Variants in MAD1L1 observed in about 807,000 individuals in gnomAD.
The protein encoded by MAD1L1 is mitotic spindle assembly checkpoint protein MAD1.
A neutral mutation model predicts 96.9 loss-of-function variants in MAD1L1; 95 were observed. That is an observed-to-expected ratio of 0.98 (90% CI 0.83 to 1.16). The LOEUF (loss-of-function observed/expected upper bound fraction) is 1.16, where lower values mean the gene tolerates loss of function less well. Ranked by LOEUF, MAD1L1 falls within the 50% of genes most tolerant of loss-of-function variation. The pLI, the probability that MAD1L1 is intolerant of heterozygous loss-of-function variation, is 0.00. For synonymous variants in MAD1L1, 473 were observed against 396.6 expected (o/e 1.19, Z -2.29); for missense variants, 1,007 against 954.4 (o/e 1.06, Z -0.73).
chr7:2,042,038 C>G (rs1011020838), intron 12 of MAD1L1, among the ~76,000 whole-genome samples: 3 of 151,952 alleles, frequency 2.0e-5, no homozygotes, highest in African/African-American at 7.3e-5. Context: ...CACACGCACA[C>G]GGACATGCAC....
At chr7:2,227,051 C>T (rs924483093) in intron 3 of MAD1L1, among the ~76,000 whole-genome samples, 5 of 148,104 alleles carry the variant, frequency 3.4e-5, no homozygotes, top group African/African-American at 1.3e-4. Context: ...CCCAGCAGTT[C>T]GGGGGGCCAA....
At chr7:2,161,626 C>A (rs1383711011) in intron 10 of MAD1L1, among the ~76,000 whole-genome samples, 4 of 151,762 alleles carry the variant, frequency 2.6e-5, no homozygotes. Context: ...TGAGGAGCGC[C>A]TCTTCCCGGC....
chr7:2,212,610 T>C (rs1036796460), intron 10 of MAD1L1, among the ~76,000 whole-genome samples: 1 of 152,186 alleles, frequency 6.6e-6, no homozygotes, highest in East Asian at 1.9e-4. Flanking sequence ...TTCCTGTTTT[T>C]GCATTGCGGC....
intron 17 of MAD1L1, among the ~76,000 whole-genome samples, chr7:1,934,930 T>C (rs1424208826): frequency 0.038 from 2,005 of 53,044 alleles, no homozygotes; most frequent in Admixed American, 0.047. Context: ...AACAGACGGG[T>C]GAACCCGAGA....
In MAD1L1 at chr7:2,018,662, A is replaced by G. The variant is rs182425594; in HGVS notation, c.1219-4020T>C. ...AGAGGCCCCTCCTTAGAGCCCCAGC[A>G]CCAACCCCCACTTTCCAGAGAAGCC... On this transcript the variant is annotated intron_variant, in intron 12 of 18. Coordinates refer to ENST00000265854, the MANE Select transcript of MAD1L1 (RefSeq NM_001013836.2). 1.7e-3 allele frequency among the ~76,000 whole-genome samples: 258 copies of G among 152,264 alleles called. 1 individual carries two copies. Among genetic ancestry groups the G allele is most frequent in the African/African-American group, 5.9e-3 (244 of 41,558 alleles).
intron 18 of MAD1L1, among the ~76,000 whole-genome samples, chr7:1,842,649 T>C (rs1195338044): frequency 6.6e-6 from 1 of 152,244 alleles, no homozygotes; most frequent in Non-Finnish European, 1.5e-5. Context: ...CCTTCGTCCT[T>C]CGTCCATCGC....
intron 13 of MAD1L1, among the ~76,000 whole-genome samples, chr7:2,008,251 G>A (rs182608730): frequency 6.6e-6 from 1 of 152,230 alleles, no homozygotes. Context: ...CAGGGCCTCA[G>A]ACAGCGCAAC....
intron 18 of MAD1L1, among the ~76,000 whole-genome samples, chr7:1,858,423 TCTGAGGCC>T (rs1784363009): frequency 6.6e-6 from 1 of 152,250 alleles, no homozygotes; most frequent in Non-Finnish European, 1.5e-5. Context: ...ATCCTTGGTT[TCTGAGGCC>T]TCCCTTCCAC....
At position 2,103,531 on chromosome 7, in the gene MAD1L1, G is replaced by A. The variant is rs1311993522; in HGVS notation, c.1074-34193C>T. ...GGGGCTCTCGACCACCGTGCTCTTTGTTGGGCGGGGCAACCGCAGATGGGC... is the reference window on the plus strand; with the variant it reads ...GGGGCTCTCGACCACCGTGCTCTTTATTGGGCGGGGCAACCGCAGATGGGC... On this transcript the variant is annotated intron_variant, in intron 11 of 18. Transcript: ENST00000265854. The surrounding 1 kb of genome is among the most constrained non-coding windows in gnomAD (Gnocchi z 4.3). Among the ~76,000 whole-genome samples the A allele has an allele frequency of 6.6e-6, 1 of 152,154 alleles. No homozygotes were observed. Among genetic ancestry groups the A allele is most frequent in the Non-Finnish European group, 1.5e-5 (1 of 68,022 alleles).
intron 9 of MAD1L1, among the ~76,000 whole-genome samples, 174 bp from the exon 10 acceptor site, chr7:2,213,447 C>A (rs1276364151): frequency 6.6e-6 from 1 of 152,200 alleles, no homozygotes. Flanking sequence ...GGTTATTATT[C>A]CCCAACTGCA....
Position 2,199,248 on chromosome 7 carries a change from C to T in MAD1L1, c.986+13964G>A, listed in dbSNP as rs112786597. ...ACTTCCAGATACATTTTCTAGGCCT[C>T]TGGTTTTGGCCTTTTTAAATGTTGG... On this transcript the variant is annotated intron_variant, in intron 10 of 18. Coordinates refer to ENST00000265854, the MANE Select transcript of MAD1L1 (RefSeq NM_001013836.2). 1.5e-3 allele frequency among the ~76,000 whole-genome samples: 226 copies of T among 152,382 alleles called. 2 individuals carry two copies. The highest frequency in any genetic ancestry group is 5.3e-3 in the African/African-American group (219 of 41,606).
chr7:2,216,096 C>T (rs1365195522), intron 8 of MAD1L1, 61 bp downstream of exon 8: 18 of 1,607,644 alleles, frequency 1.1e-5, no homozygotes, highest in South Asian at 7.7e-5. Context: ...GCACAGTGGG[C>T]TCCATGTGCA....
At position 2,002,137 on chromosome 7, in the gene MAD1L1, G is replaced by A; in HGVS notation, c.1360-16C>T. The A allele has an allele frequency of 1.2e-6, 2 of 1,612,534 alleles. No homozygotes were observed. Among genetic ancestry groups the A allele is most frequent in the Non-Finnish European group, 1.7e-6 (2 of 1,179,880 alleles). On this transcript the variant is annotated splice_polypyrimidine_tract_variant and intron_variant, in intron 13 of 18. Coordinates refer to ENST00000265854, the MANE Select transcript of MAD1L1 (RefSeq NM_001013836.2). ...ACAGCTGAGCCTGCAAGACAAGACA[G>A]GATTCGGCCTGAGACTGTGGTGGGC...
chr7:1,999,544 AG>A (rs1781698291), intron 14 of MAD1L1, among the ~76,000 whole-genome samples: 1 of 152,118 alleles, frequency 6.6e-6, no homozygotes, highest in South Asian at 2.1e-4. Context: ...CACAAACCTC[AG>A]CGGGACTGCG....
In MAD1L1 at chr7:1,909,824, A is replaced by G. The variant is rs182786623; in HGVS notation, c.1808-11434T>C. Among the ~76,000 whole-genome samples the G allele has an allele frequency of 4.1e-3, 620 of 152,318 alleles. 2 individuals are homozygous for G. The highest frequency in any genetic ancestry group is 6.7e-3 in the Non-Finnish European group (456 of 68,026). On this transcript the variant is annotated intron_variant, in intron 17 of 18. Coordinates refer to ENST00000265854, the MANE Select transcript of MAD1L1 (RefSeq NM_001013836.2). ...AGACGGCCCTTGAGACACGGCCTCCATGATGAGCCATGAGTTCCCCTGCTG... is the reference window on the plus strand; with the variant it reads ...AGACGGCCCTTGAGACACGGCCTCCGTGATGAGCCATGAGTTCCCCTGCTG...
In MAD1L1 at chr7:2,215,863, C is replaced by G. The variant is rs148216636; in HGVS notation, c.924+22G>C. On this transcript the variant is annotated intron_variant, in intron 9 of 18. Coordinates refer to ENST00000265854, the MANE Select transcript of MAD1L1 (RefSeq NM_001013836.2). ...CAGGGCAGAGGACACCCACAGGAAC[C>G]GCACACCACACAGGCCCTCACCTCG... 733 of 1,610,102 alleles carry G rather than the reference C, an allele frequency of 4.6e-4. 5 individuals are homozygous for G. In the African/African-American group the frequency reaches 8.6e-3, roughly 19 times the overall value.
At chr7:2,033,353 T>C (rs1783319083) in intron 12 of MAD1L1, among the ~76,000 whole-genome samples, 2 of 152,124 alleles carry the variant, frequency 1.3e-5, no homozygotes, top group South Asian at 4.1e-4. Flanking sequence ...GGAAACAAGA[T>C]GGATACTCCA....
intron 15 of MAD1L1, among the ~76,000 whole-genome samples, chr7:1,964,585 C>G (rs190656361): frequency 1.1e-4 from 17 of 152,346 alleles, no homozygotes; most frequent in African/African-American, 4.1e-4. Flanking sequence ...TGGCTCAAAG[C>G]AATCAGTTCT....
intron 11 of MAD1L1, among the ~76,000 whole-genome samples, chr7:2,137,233 T>C (rs1342590509): frequency 6.6e-6 from 1 of 152,226 alleles, no homozygotes; most frequent in East Asian, 1.9e-4. Flanking sequence ...GAAGCAACAA[T>C]AAACAACATT....
Sources: allele counts gnomAD v4.1 joint callset (sites outside exome capture counted in the v4.1 genomes callset), GRCh38; gene constraint gnomAD v4.1.1; non-coding constraint Gnocchi (gnomAD v3.1); transcripts MANE v1.5; gene names NCBI Gene and HGNC (gene_info 2026-07-23, HGNC 2026-07-21).